Variants in SAMD4A observed in about 807,000 individuals in gnomAD.
SAMD4A encodes the protein protein Smaug homolog 1.
SAMD4A carries 33 observed loss-of-function variants against 81.3 expected under a neutral mutation model. The observed-to-expected ratio is 0.41, with a 90% CI of 0.31 to 0.54. The LOEUF is 0.54. Among genes scored for constraint, SAMD4A ranks in the 20% least tolerant of loss-of-function variants. SAMD4A has a pLI of 0.37. For missense variants in SAMD4A, 854 were observed against 951.1 expected (o/e 0.90, Z 1.34); for synonymous variants, 389 against 382.1 (o/e 1.02, Z -0.21).
Position 54,710,530 on chromosome 14 carries a change from C to T in SAMD4A, c.715+7950C>T, listed in dbSNP as rs893146477. Among the ~76,000 whole-genome samples, 32 of 152,092 alleles carry T rather than the reference C, an allele frequency of 2.1e-4. 1 individual carries two copies. Among genetic ancestry groups the T allele is most frequent in the East Asian group, 1.9e-4 (1 of 5,190 alleles). ...CCTAGGCAGTGAGGCCCCTGGAAAT[C>T]GATGTTATTACTTGCCTCTCCCTCC... On this transcript the variant is annotated intron_variant, in intron 3 of 12. Coordinates refer to ENST00000554335, the MANE Select transcript of SAMD4A (RefSeq NM_015589.6).
At position 54,722,889 on chromosome 14, in the gene SAMD4A, A is replaced by G. The variant is rs551553441; in HGVS notation, c.716-14135A>G. Among the ~76,000 whole-genome samples, 229 of 152,276 alleles carry G rather than the reference A, an allele frequency of 1.5e-3. 2 individuals are homozygous for G. Among genetic ancestry groups the G allele is most frequent in the African/African-American group, 5.3e-3 (220 of 41,562 alleles). Reference sequence around the variant, plus strand: ...TTTAAATTCCCTCAGGACGAACTCTATTGGACACATAAACAATAGCAACAA... The same window carrying G: ...TTTAAATTCCCTCAGGACGAACTCTGTTGGACACATAAACAATAGCAACAA... On this transcript the variant is annotated intron_variant, in intron 3 of 12. Transcript: ENST00000554335.
At chr14:54,723,354 G>A (rs1400661629) in intron 3 of SAMD4A, among the ~76,000 whole-genome samples, 6 of 152,128 alleles carry the variant, frequency 3.9e-5, no homozygotes, top group South Asian at 4.1e-4. Context: ...ATGCTACTCA[G>A]AGCCATGAAT....
chr14:54,699,763 TC>T (rs2036665697), intron 2 of SAMD4A, among the ~76,000 whole-genome samples: 1 of 152,202 alleles, frequency 6.6e-6, no homozygotes, highest in African/African-American at 2.4e-5. Flanking sequence ...TGGACAGTGC[TC>T]CTCAAGATCG....
At chr14:54,663,612 C>G (rs1018918577) in intron 2 of SAMD4A, among the ~76,000 whole-genome samples, 1 of 152,136 alleles carries the variant, frequency 6.6e-6, no homozygotes, top group Non-Finnish European at 1.5e-5. Context: ...GTCAGTGAGA[C>G]AAAAACTGAG....
chr14:54,744,791 A>G (rs1294207200), intron 4 of SAMD4A, among the ~76,000 whole-genome samples: 1 of 152,190 alleles, frequency 6.6e-6, no homozygotes, highest in Non-Finnish European at 1.5e-5. Flanking sequence ...AACAACCACC[A>G]TGAACTACTG....
intron 3 of SAMD4A, among the ~76,000 whole-genome samples, chr14:54,733,829 GA>G (rs11463836): frequency 8.5e-4 from 124 of 146,026 alleles, no homozygotes; most frequent in African/African-American, 2.9e-3. Flanking sequence ...CTACTCATAG[GA>G]AAAAAAAAAA....
intron 2 of SAMD4A, among the ~76,000 whole-genome samples, chr14:54,612,126 G>A (rs531188715): frequency 6.6e-6 from 1 of 152,194 alleles, no homozygotes; most frequent in African/African-American, 2.4e-5. Flanking sequence ...GATTTGAGTT[G>A]CTACTTTAAA....
At chr14:54,756,151 A>G (rs1197281032) in intron 6 of SAMD4A, among the ~76,000 whole-genome samples, 1 of 152,214 alleles carries the variant, frequency 6.6e-6, no homozygotes, top group Non-Finnish European at 1.5e-5. Context: ...TATACCAGTA[A>G]GGTGCATTGT....
At chr14:54,755,212 G>A (rs1823024761) in intron 6 of SAMD4A, among the ~76,000 whole-genome samples, 1 of 152,184 alleles carries the variant, frequency 6.6e-6, no homozygotes, top group South Asian at 2.1e-4. Context: ...GACGAGGCTT[G>A]GGTTTGAGTG....
At chr14:54,565,508 C>T (rs531766103), upstream of SAMD4A, among the ~76,000 whole-genome samples, 501 of 152,324 alleles carry the variant, frequency 3.3e-3, 3 homozygotes, top group Non-Finnish European at 5.2e-3. This position sits in a 1 kb window ranked among gnomAD's most constrained non-coding sequence, Gnocchi z 5.4. Flanking sequence ...AGCGCCTGGG[C>T]AGGTCCAACC....
Position 54,678,550 on chromosome 14 carries a change from C to CT in SAMD4A, c.197-23496dup, listed in dbSNP as rs758208282. 7.0e-3 allele frequency among the ~76,000 whole-genome samples: 645 copies of CT among 91,784 alleles called. 39 individuals are homozygous for CT. Among genetic ancestry groups the CT allele is most frequent in the African/African-American group, 0.029 (567 of 19,538 alleles). The allele number at this position is 91,784 out of a possible 152,430, so 60.2% of individuals were successfully genotyped here. On this transcript the variant is annotated intron_variant, in intron 2 of 12. Transcript: ENST00000554335. ...TGGGGAGGGGTATGGAATATATGAT[C>CT]TTTTTTTTTTTTTTTTGAGACGGAG...
Position 54,791,334 on chromosome 14 carries a change from A to C in SAMD4A, c.*2390A>C, listed in dbSNP as rs981718412. 6.6e-6 allele frequency: 1 copy of C among 152,240 alleles called. No homozygotes were observed. The highest frequency in any genetic ancestry group is 1.5e-5 in the Non-Finnish European group (1 of 68,036). 9.4% of individuals were successfully genotyped at this position (152,240 alleles called of 1,614,324 possible). A position where few individuals can be genotyped will look rare whatever the true frequency, so the allele number is the denominator to read the frequency against. On this transcript the variant is annotated 3_prime_UTR_variant, in exon 13 of 13. Coordinates refer to ENST00000554335, the MANE Select transcript of SAMD4A (RefSeq NM_015589.6). ...GCATTCGGATCTGCTGCAAAAACAC[A>C]TATATCCATAAAGACTCATGTTATT...
rs536621531 is a variant in SAMD4A, at chr14:54,790,431, A to C, written c.*1487A>C. 2 of 152,342 alleles carry C rather than the reference A, an allele frequency of 1.3e-5. No homozygotes were observed. Among genetic ancestry groups the C allele is most frequent in the East Asian group, 3.9e-4 (2 of 5,188 alleles). The allele number at this position is 152,342 out of a possible 1,614,324, so 9.4% of individuals were successfully genotyped here. ...TCCACACAGAGGGGAGGAAAAAGACACTCGTTACTTGGTGGGAGATTGAGA... is the reference window on the plus strand; with the variant it reads ...TCCACACAGAGGGGAGGAAAAAGACCCTCGTTACTTGGTGGGAGATTGAGA... On this transcript the variant is annotated 3_prime_UTR_variant, in exon 13 of 13. Coordinates refer to ENST00000554335, the MANE Select transcript of SAMD4A (RefSeq NM_015589.6).
intron 2 of SAMD4A, among the ~76,000 whole-genome samples, chr14:54,655,440 T>C (rs2035497321): frequency 1.3e-5 from 2 of 152,098 alleles, no homozygotes; most frequent in Admixed American, 1.3e-4. Flanking sequence ...GTTAAGAATA[T>C]AGATCCAGGA....
At chr14:54,759,664 A>G (rs574231061) in intron 6 of SAMD4A, among the ~76,000 whole-genome samples, 1 of 152,284 alleles carries the variant, frequency 6.6e-6, no homozygotes, top group Non-Finnish European at 1.5e-5. Flanking sequence ...GAGTGCAAGA[A>G]TCCAAACCCC....
At chr14:54,655,941 A>G (rs2035510324) in intron 2 of SAMD4A, among the ~76,000 whole-genome samples, 1 of 152,146 alleles carries the variant, frequency 6.6e-6, no homozygotes, top group Non-Finnish European at 1.5e-5. Context: ...TTGGTGAGGA[A>G]CAAACATAGG....
intron 9 of SAMD4A, 127 bp from the exon 10 acceptor site, chr14:54,774,807 C>G: frequency 1.2e-6 from 1 of 844,618 alleles, no homozygotes; most frequent in Admixed American, 2.9e-5. Flanking sequence ...GAGTGAGACC[C>G]TGACTCAAAA....
intron 2 of SAMD4A, among the ~76,000 whole-genome samples, chr14:54,578,986 T>G (rs996628868): frequency 2.0e-5 from 3 of 152,224 alleles, no homozygotes; most frequent in Admixed American, 6.5e-5. Flanking sequence ...TAGGCACTTA[T>G]TAACAAAAGT....
chr14:54,592,616 C>T lies in SAMD4A; in HGVS notation c.196+24504C>T, dbSNP rs532100996. 5.3e-5 allele frequency among the ~76,000 whole-genome samples: 8 copies of T among 152,260 alleles called. No individual in the cohort carries two copies. In the South Asian group the frequency reaches 1.2e-3, roughly 24 times the overall value. ...CTGGGACTACAGGTGGCCGCTACCACGCCTGGCTAATTTTTTGTATTTTTA... is the reference window on the plus strand; with the variant it reads ...CTGGGACTACAGGTGGCCGCTACCATGCCTGGCTAATTTTTTGTATTTTTA... On this transcript the variant is annotated intron_variant, in intron 2 of 12. Coordinates refer to ENST00000554335, the MANE Select transcript of SAMD4A (RefSeq NM_015589.6).
Sources: allele counts gnomAD v4.1 joint callset (sites outside exome capture counted in the v4.1 genomes callset), GRCh38; gene constraint gnomAD v4.1.1; non-coding constraint Gnocchi (gnomAD v3.1); transcripts MANE v1.5; gene names NCBI Gene and HGNC (gene_info 2026-07-23, HGNC 2026-07-21).